Variants in ATXN7 observed in about 807,000 individuals in gnomAD.
ATXN7 encodes the protein ataxin 7.
In ATXN7, 12 loss-of-function variants were observed where a neutral mutation model predicts 70.5. The observed-to-expected ratio is 0.17, with a 90% CI of 0.11 to 0.28. ATXN7 has a LOEUF of 0.28. Ranked by LOEUF, ATXN7 falls within the 10% of genes least tolerant of loss-of-function variation. The probability of loss-of-function intolerance (pLI) is 1.00; values close to 1 mark genes in which losing one functional copy is unlikely to be tolerated. For synonymous variants in ATXN7, 498 were observed against 448.7 expected, an observed-to-expected ratio of 1.11 and a Z score of -1.39; for missense variants, 1,256 against 1,131.7, an observed-to-expected ratio of 1.11 and a Z score of -1.58.
chr3:63,974,304 C>T (rs982158940), intron 5 of ATXN7, among the ~76,000 whole-genome samples: 7 of 152,238 alleles, frequency 4.6e-5, no homozygotes, highest in African/African-American at 1.4e-4. Context: ...AAACTGTCAT[C>T]GATGACAAAT....
intron 2 of ATXN7, chr3:63,901,339 G>A (rs1280498915): frequency 1.3e-5 from 2 of 152,180 alleles, no homozygotes; most frequent in Non-Finnish European, 2.9e-5. Flanking sequence ...TAGTAAGCAT[G>A]TTTTGCAGCT....
At chr3:63,967,082 G>C (rs1037573959) in intron 5 of ATXN7, among the ~76,000 whole-genome samples, 1 of 152,184 alleles carries the variant, frequency 6.6e-6, no homozygotes, top group African/African-American at 2.4e-5. Flanking sequence ...GGGATTACAG[G>C]TGTGAGCCAT....
intron 2 of ATXN7, among the ~76,000 whole-genome samples, chr3:63,910,215 G>A (rs931220665): frequency 6.6e-6 from 1 of 152,158 alleles, no homozygotes; most frequent in Admixed American, 6.5e-5. Context: ...TCCAAAAGAG[G>A]AAAGTCAAGC....
chr3:63,958,170 A>G (rs1575950839), intron 5 of ATXN7, among the ~76,000 whole-genome samples: 1 of 152,318 alleles, frequency 6.6e-6, no homozygotes, highest in East Asian at 1.9e-4. Flanking sequence ...CTCCTTGCAC[A>G]TATTACAAAT....
rs748217496 is a variant in ATXN7, at chr3:63,982,945, A to T, written c.1019A>T (p.Glu340Val). The change falls in exon 8 of 13, where the codon GAG (glutamate) becomes GTG (valine). Residue 340 changes from glutamate to valine, a missense_variant. Glu to Val is a moderately radical substitution (Grantham distance 121, BLOSUM62 -2). Coordinates refer to ENST00000674280, the MANE Select transcript of ATXN7 (RefSeq NM_001377405.1). ...GCCTGTGTTCTTTTGACAGAAAGAG[A>T]GTTTGATCCTGACATCCACTGTGGG... ...KFLNKRLSER[E>V]FDPDIHCGVI... 3.1e-6 allele frequency: 5 copies of T among 1,613,766 alleles called. 1 individual carries two copies. In the South Asian group the frequency reaches 5.5e-5, roughly 18 times the overall value.
At chr3:63,882,198 A>G (rs757743046) in intron 1 of ATXN7, among the ~76,000 whole-genome samples, 1 of 152,144 alleles carries the variant, frequency 6.6e-6, no homozygotes, top group Non-Finnish European at 1.5e-5. Flanking sequence ...ACCCAGATGG[A>G]TGGCAACCTT....
In ATXN7 at chr3:63,990,222, C is replaced by T; in HGVS notation, c.1408C>T (p.Pro470Ser). ...GCAAGGTGGGAGTGCCCCCATTGACCCTCCTCCAGTCCATGAATCTCCACA... is the reference window on the plus strand; with the variant it reads ...GCAAGGTGGGAGTGCCCCCATTGACTCTCCTCCAGTCCATGAATCTCCACA... ...AQQGGSAPID[P>S]PPVHESPHPP... The change falls in exon 10 of 13, where the codon CCT (proline) becomes TCT (serine). Residue 470 changes from proline (P) to serine (S), a missense_variant. By Grantham distance (74) the Pro-to-Ser change is moderately conservative. Transcript: ENST00000674280. 6.2e-7 allele frequency: 1 copy of T among 1,613,782 alleles called. No individual in the cohort carries two copies. Among genetic ancestry groups the T allele is most frequent in the Non-Finnish European group, 8.5e-7 (1 of 1,180,022 alleles).
Position 63,874,191 on chromosome 3 carries a change from AAC to A in ATXN7, c.-111+10035_-111+10036del, listed in dbSNP as rs1238173185. Reference sequence around the variant, plus strand: ...ATATAGACTCTAACCATTTGTTGGTAACAGAGTCACTATAAACATTTTTATCC... The same window carrying A: ...ATATAGACTCTAACCATTTGTTGGTAAGAGTCACTATAAACATTTTTATCC... On this transcript the variant is annotated intron_variant, in intron 1 of 12. Coordinates refer to ENST00000674280, the MANE Select transcript of ATXN7 (RefSeq NM_001377405.1). Among the ~76,000 whole-genome samples the A allele has an allele frequency of 5.3e-5, 8 of 152,356 alleles. No individual in the cohort carries two copies. The South Asian group carries it at 1.2e-3, about 24-fold the overall frequency.
intron 4 of ATXN7, among the ~76,000 whole-genome samples, chr3:63,939,259 C>T (rs953695658): frequency 3.9e-5 from 6 of 152,150 alleles, no homozygotes; most frequent in African/African-American, 1.4e-4. Flanking sequence ...TCCTTCTCTT[C>T]ACCACCTTTG....
intron 4 of ATXN7, among the ~76,000 whole-genome samples, chr3:63,947,267 C>T (rs1023201771): frequency 6.6e-6 from 1 of 152,068 alleles, no homozygotes; most frequent in African/African-American, 2.4e-5. Flanking sequence ...GAAGTAGGTA[C>T]TATGGTCATC....
chr3:63,909,541 G>A (rs528570087), intron 2 of ATXN7, among the ~76,000 whole-genome samples: 24 of 152,158 alleles, frequency 1.6e-4, no homozygotes, highest in Non-Finnish European at 2.9e-4. Flanking sequence ...CTAAGTATTG[G>A]GTTTCTGTTG....
chr3:63,987,076 G>T (rs1442670092), intron 8 of ATXN7, among the ~76,000 whole-genome samples: 2 of 152,196 alleles, frequency 1.3e-5, no homozygotes, highest in African/African-American at 4.8e-5. Flanking sequence ...TAACTTGAGT[G>T]ATTGGACTCA....
intron 8 of ATXN7, among the ~76,000 whole-genome samples, chr3:63,983,276 T>TTC (rs140380661): frequency 0.024 from 3,627 of 152,334 alleles, 78 homozygotes; most frequent in African/African-American, 0.06. Context: ...AGGAATAGTG[T>TTC]TCTCTCCCAG....
intron 1 of ATXN7, among the ~76,000 whole-genome samples, chr3:63,891,745 G>A (rs952524509): frequency 2.0e-5 from 3 of 152,166 alleles, no homozygotes; most frequent in Admixed American, 2.0e-4. Context: ...GTGACTATTG[G>A]CGATCTCTAT....
At chr3:63,984,288 G>A (rs114680533) in intron 8 of ATXN7, among the ~76,000 whole-genome samples, 196 of 151,458 alleles carry the variant, frequency 1.3e-3, no homozygotes, top group African/African-American at 4.6e-3. Flanking sequence ...TTCTATCTTG[G>A]ATTAATGGAC....
At chr3:63,995,249 G>A (rs556349419) in intron 11 of ATXN7, among the ~76,000 whole-genome samples, 97 of 151,708 alleles carry the variant, frequency 6.4e-4, no homozygotes, top group African/African-American at 2.2e-3. Context: ...GAACGGGGGC[G>A]TTGGGGGTGG....
intron 1 of ATXN7, among the ~76,000 whole-genome samples, chr3:63,883,163 G>A (rs974684204): frequency 6.6e-6 from 1 of 152,080 alleles, no homozygotes; most frequent in African/African-American, 2.4e-5. Flanking sequence ...TCTCATTATT[G>A]GATTAATTGG....
chr3:63,966,669 C>T (rs373733862), intron 5 of ATXN7, among the ~76,000 whole-genome samples: 2 of 152,200 alleles, frequency 1.3e-5, no homozygotes, highest in South Asian at 2.1e-4. Context: ...AGTGCAGCTA[C>T]TGTTCTTCTG....
chr3:63,867,157 G>C (rs931674009), intron 1 of ATXN7: 23 of 152,158 alleles, frequency 1.5e-4, no homozygotes, highest in African/African-American at 5.1e-4. Flanking sequence ...GACCCTCCAA[G>C]GGTTGGTTTC....
Sources: allele counts gnomAD v4.1 joint callset (sites outside exome capture counted in the v4.1 genomes callset), GRCh38; gene constraint gnomAD v4.1.1; transcripts MANE v1.5; gene names NCBI Gene and HGNC (gene_info 2026-07-23, HGNC 2026-07-21).